METTL15: variants seen among roughly 807,000 people sequenced by gnomAD.
The protein encoded by METTL15 is methyltransferase 15, mitochondrial 12S rRNA N4-cytidine.
A neutral mutation model predicts 38.3 loss-of-function variants in METTL15; 34 were observed. The observed-to-expected ratio is 0.89, with a 90% CI of 0.68 to 1.18. The LOEUF (loss-of-function observed/expected upper bound fraction) is 1.18. Ranked by LOEUF, METTL15 falls within the 50% of genes most tolerant of loss-of-function variation. METTL15 has a pLI of 0.00. For missense variants in METTL15, 438 were observed against 498.4 expected, an observed-to-expected ratio of 0.88 and a Z score of 1.15; for synonymous variants, 162 against 170.9, an observed-to-expected ratio of 0.95 and a Z score of 0.41.
At chr11:28,426,922 G>A (rs1850870945) in intron 6 of METTL15, among the ~76,000 whole-genome samples, 2 of 151,428 alleles carry the variant, frequency 1.3e-5, no homozygotes, top group South Asian at 4.2e-4. Flanking sequence ...TTTTTTTTCT[G>A]TGTAGAAGCT....
chr11:28,498,567 A>G (rs1311279955), intron 6 of METTL15, among the ~76,000 whole-genome samples: 5 of 152,142 alleles, frequency 3.3e-5, no homozygotes, highest in Admixed American at 6.5e-5. Flanking sequence ...AAAAGTAACA[A>G]TTCCTCAAAT....
chr11:28,509,542 A>G (rs1431799924), intron 6 of METTL15, among the ~76,000 whole-genome samples: 1 of 151,308 alleles, frequency 6.6e-6, no homozygotes, highest in Admixed American at 6.6e-5. Flanking sequence ...TTGCCTTTAC[A>G]TCCCAGATGT....
At chr11:28,524,854 G>A (rs1851795865) in intron 6 of METTL15, among the ~76,000 whole-genome samples, 1 of 152,168 alleles carries the variant, frequency 6.6e-6, no homozygotes, top group Admixed American at 6.5e-5. Flanking sequence ...CAAGAATGAA[G>A]CCGCGGACCC....
chr11:28,422,624 G>A (rs1277081848), intron 5 of METTL15, among the ~76,000 whole-genome samples: 1 of 152,074 alleles, frequency 6.6e-6, no homozygotes, highest in African/African-American at 2.4e-5. Flanking sequence ...ACATGATGCT[G>A]TGAAAACTGG....
intron 4 of METTL15, among the ~76,000 whole-genome samples, chr11:28,250,555 T>A (rs529793400): frequency 2.7e-5 from 2 of 73,712 alleles, no homozygotes; most frequent in South Asian, 3.2e-4. Flanking sequence ...TAGAAGTTAC[T>A]CTCCTTTTTT....
intron 3 of METTL15, among the ~76,000 whole-genome samples, chr11:28,168,649 T>G (rs769880357): frequency 2.0e-4 from 29 of 146,370 alleles, no homozygotes; most frequent in Non-Finnish European, 3.9e-4. Context: ...CTGTGATGCT[T>G]TTTGTTAAGG....
chr11:28,431,254 C>T (rs1159330808), intron 6 of METTL15, among the ~76,000 whole-genome samples: 9 of 144,482 alleles, frequency 6.2e-5, no homozygotes, highest in African/African-American at 2.2e-4. Flanking sequence ...CCCCTCTGCC[C>T]AGCCACCACC....
intron 4 of METTL15, among the ~76,000 whole-genome samples, chr11:28,274,136 T>A (rs75882594): frequency 1.3e-5 from 2 of 152,078 alleles, no homozygotes; most frequent in Non-Finnish European, 2.9e-5. Context: ...AGAAATTTTC[T>A]TCTGAAACAC....
downstream of METTL15, among the ~76,000 whole-genome samples, chr11:28,530,867 A>C (rs1851840151): frequency 6.6e-6 from 1 of 152,072 alleles, no homozygotes. Context: ...TTCAAAACTT[A>C]ATATGTCTCT....
intron 5 of METTL15, among the ~76,000 whole-genome samples, chr11:28,362,809 G>A (rs1224002019): frequency 6.6e-6 from 1 of 152,108 alleles, no homozygotes; most frequent in Non-Finnish European, 1.5e-5. Flanking sequence ...TTGCTATTAT[G>A]AATAGTGCTG....
chr11:28,214,429 A>G (rs1347676112), intron 4 of METTL15, among the ~76,000 whole-genome samples: 1 of 152,208 alleles, frequency 6.6e-6, no homozygotes, highest in Non-Finnish European at 1.5e-5. Context: ...ATACTAGTAT[A>G]TCTAATTTAC....
At chr11:28,411,490 A>T (rs1489427054) in intron 5 of METTL15, among the ~76,000 whole-genome samples, 1 of 152,044 alleles carries the variant, frequency 6.6e-6, no homozygotes, top group African/African-American at 2.4e-5. Context: ...AAGGGGAAAC[A>T]ATAGTCTCTT....
chr11:28,358,730 C>T (rs1850110931), intron 4 of METTL15, among the ~76,000 whole-genome samples: 1 of 152,090 alleles, frequency 6.6e-6, no homozygotes, highest in South Asian at 2.1e-4. Flanking sequence ...TTTGTCTCTC[C>T]AAAACCTAGC....
At chr11:28,261,514 G>A (rs1357108916) in intron 4 of METTL15, 1 of 152,958 alleles carries the variant, frequency 6.5e-6, no homozygotes, top group African/African-American at 2.4e-5. Flanking sequence ...TCATCCTCAT[G>A]TTTCCTATTT....
At chr11:28,284,762 G>A (rs1171870583) in intron 4 of METTL15, among the ~76,000 whole-genome samples, 3 of 152,098 alleles carry the variant, frequency 2.0e-5, no homozygotes, top group South Asian at 4.1e-4. Context: ...CTTGCTGATC[G>A]TTATGGAATT....
intron 4 of METTL15, among the ~76,000 whole-genome samples, chr11:28,283,966 G>T (rs535189062): frequency 6.6e-6 from 1 of 152,224 alleles, no homozygotes; most frequent in East Asian, 1.9e-4. Context: ...AATGGAAGGG[G>T]AGTGGGTGAG....
intron 6 of METTL15, among the ~76,000 whole-genome samples, chr11:28,302,298 T>C (rs1856940557): frequency 1.3e-5 from 2 of 152,150 alleles, no homozygotes; most frequent in African/African-American, 4.8e-5. Context: ...ATGTTTGGAT[T>C]CAGTAAAATA....
At chr11:28,465,729 T>C (rs1266545470) in intron 6 of METTL15, among the ~76,000 whole-genome samples, 2 of 152,206 alleles carry the variant, frequency 1.3e-5, no homozygotes, top group Non-Finnish European at 2.9e-5. Context: ...TGATTTATCC[T>C]ATACTACAGC....
At chr11:28,200,060 A>G (rs940384549) in intron 3 of METTL15, among the ~76,000 whole-genome samples, 3 of 152,150 alleles carry the variant, frequency 2.0e-5, no homozygotes, top group Admixed American at 6.5e-5. Flanking sequence ...GTAATTGCAT[A>G]GTAAATTGTA....
Sources: allele counts gnomAD v4.1 joint callset (sites outside exome capture counted in the v4.1 genomes callset), GRCh38; gene constraint gnomAD v4.1.1; transcripts MANE v1.5; gene names NCBI Gene and HGNC (gene_info 2026-07-23, HGNC 2026-07-21).